RANBP2: variants seen among roughly 807,000 people sequenced by gnomAD.
RANBP2 encodes RAN binding protein 2.
A neutral mutation model predicts 303.6 loss-of-function variants in RANBP2; 57 were observed. That is an observed-to-expected ratio of 0.19 (90% CI 0.15 to 0.23). The LOEUF (loss-of-function observed/expected upper bound fraction) is 0.23. RANBP2 is among the 10% of genes least tolerant of loss of function. RANBP2 has a pLI of 1.00. For synonymous variants in RANBP2, 1,167 were observed against 1,301.5 expected, an observed-to-expected ratio of 0.90 and a Z score of 2.23; for missense variants, 3,138 against 3,780.8, an observed-to-expected ratio of 0.83 and a Z score of 4.46.
intron 9 of RANBP2, among the ~76,000 whole-genome samples, chr2:108,750,015 T>G (rs1675738172): frequency 1.3e-5 from 2 of 152,192 alleles, no homozygotes. Flanking sequence ...CCGGGGGTGG[T>G]GGCATGTGCC....
the RANBP2 span, among the ~76,000 whole-genome samples, chr2:109,204,618 T>A: frequency 7.4e-4 from 113 of 152,338 alleles, no homozygotes; most frequent in Admixed American, 1.2e-3. Flanking sequence ...CGCCACCTAC[T>A]CCACCACCAG....
chr2:109,684,896 G>T, the RANBP2 span, among the ~76,000 whole-genome samples: 1 of 148,408 alleles, frequency 6.7e-6, no homozygotes, highest in Admixed American at 6.7e-5. Flanking sequence ...TTTTTGAGAT[G>T]GGAGTCTCGC....
the RANBP2 span, among the ~76,000 whole-genome samples, chr2:109,111,548 A>G: frequency 6.6e-6 from 1 of 151,068 alleles, no homozygotes; most frequent in African/African-American, 2.4e-5. Context: ...CCATCTCTAC[A>G]ATGGTGTTGC....
At chr2:109,173,649 T>G in the RANBP2 span, among the ~76,000 whole-genome samples, 2 of 151,962 alleles carry the variant, frequency 1.3e-5, no homozygotes, top group Non-Finnish European at 2.9e-5. Flanking sequence ...CTGAGACTCA[T>G]TAGACAGTGG....
chr2:109,598,029 A>C, the RANBP2 span, among the ~76,000 whole-genome samples: 1 of 152,176 alleles, frequency 6.6e-6, no homozygotes, highest in South Asian at 2.1e-4. Context: ...AGCCTCAGGA[A>C]ACAGAATCCT....
At chr2:109,034,269 T>G in the RANBP2 span, among the ~76,000 whole-genome samples, 1 of 6,616 alleles carries the variant, frequency 1.5e-4, no homozygotes, top group African/African-American at 3.4e-4. Context: ...AGACTCCATC[T>G]CAAAAAAAAA....
At chr2:108,786,864 A>G (rs1392326740), downstream of RANBP2, 4 of 1,584,680 alleles carry the variant, frequency 2.5e-6, no homozygotes, top group African/African-American at 1.4e-5. Context: ...AGGATTTAGT[A>G]GTGGAGAGTC....
chr2:109,512,290 C>T, the RANBP2 span, among the ~76,000 whole-genome samples: 1 of 152,122 alleles, frequency 6.6e-6, no homozygotes, highest in Admixed American at 6.5e-5. Context: ...CCTCCCTGCC[C>T]TGCATCCCTG....
chr2:109,448,700 A>G, the RANBP2 span, among the ~76,000 whole-genome samples: 2 of 152,332 alleles, frequency 1.3e-5, no homozygotes, highest in Non-Finnish European at 1.5e-5. Flanking sequence ...ATTTCACTAT[A>G]TATTACAATG....
At chr2:109,348,028 A>G in the RANBP2 span, 6 of 1,492,902 alleles carry the variant, frequency 4.0e-6, no homozygotes, top group East Asian at 9.9e-5. Flanking sequence ...CCACAGACCT[A>G]TAGCCAGACA....
the RANBP2 span, among the ~76,000 whole-genome samples, chr2:109,519,794 G>T: frequency 7.2e-5 from 11 of 152,250 alleles, no homozygotes; most frequent in Non-Finnish European, 1.6e-4. Context: ...GCCTGCTCTT[G>T]TTGCTGTTCC....
At chr2:109,321,895 G>T in the RANBP2 span, among the ~76,000 whole-genome samples, 1 of 152,230 alleles carries the variant, frequency 6.6e-6, no homozygotes, top group South Asian at 2.1e-4. Context: ...TCCCAGTGTG[G>T]TCAGGACTTC....
At chr2:109,483,642 G>A in the RANBP2 span, among the ~76,000 whole-genome samples, 3 of 152,220 alleles carry the variant, frequency 2.0e-5, no homozygotes, top group Non-Finnish European at 2.9e-5. Flanking sequence ...AATTGGCATA[G>A]AGTTTGGTAT....
the RANBP2 span, among the ~76,000 whole-genome samples, chr2:109,642,618 G>A: frequency 1.3e-5 from 2 of 150,958 alleles, no homozygotes; most frequent in Admixed American, 6.6e-5. Flanking sequence ...GCATGGTGAC[G>A]TGCACCTGTA....
the RANBP2 span, among the ~76,000 whole-genome samples, chr2:109,672,697 C>T: frequency 1.3e-5 from 2 of 152,082 alleles, no homozygotes; most frequent in African/African-American, 4.8e-5. Flanking sequence ...TTCAAGACTA[C>T]AGAAATTTAT....
the RANBP2 span, among the ~76,000 whole-genome samples, chr2:109,117,507 G>A: frequency 6.6e-6 from 1 of 152,222 alleles, no homozygotes; most frequent in Admixed American, 6.5e-5. Context: ...ATTAGGGTGG[G>A]AGTGACCCAA....
the RANBP2 span, among the ~76,000 whole-genome samples, chr2:109,439,503 C>T: frequency 3.5e-3 from 528 of 152,300 alleles, 19 homozygotes; most frequent in East Asian, 0.061. Flanking sequence ...GACCCCAACC[C>T]CGATGGGTGG....
At chr2:109,373,601 ACTC>A in the RANBP2 span, among the ~76,000 whole-genome samples, 3 of 146,728 alleles carry the variant, frequency 2.0e-5, no homozygotes, top group Non-Finnish European at 4.5e-5. Flanking sequence ...AGCAGACAGA[ACTC>A]CTCTGTTGTG....
At chr2:109,257,744 A>G in the RANBP2 span, among the ~76,000 whole-genome samples, 1 of 152,230 alleles carries the variant, frequency 6.6e-6, no homozygotes, top group Non-Finnish European at 1.5e-5. Context: ...GTCCAAAAAA[A>G]CCAAGGGGCC....
Sources: allele counts gnomAD v4.1 joint callset (sites outside exome capture counted in the v4.1 genomes callset), GRCh38; gene constraint gnomAD v4.1.1; transcripts MANE v1.5; gene names NCBI Gene and HGNC (gene_info 2026-07-23, HGNC 2026-07-21).